Variants in AGBL4 observed in about 807,000 individuals in gnomAD.
The protein encoded by AGBL4 is cytosolic carboxypeptidase 6.
AGBL4 carries 58 observed loss-of-function variants against 66.4 expected under a neutral mutation model. The ratio of observed to expected loss-of-function variants is 0.87; its 90% CI spans 0.71 to 1.09. The LOEUF (loss-of-function observed/expected upper bound fraction) is 1.09. Ranked by LOEUF, AGBL4 falls within the 50% of genes least tolerant of loss-of-function variation. AGBL4 has a pLI of 0.00. For synonymous variants in AGBL4, 234 were observed against 222.9 expected, an observed-to-expected ratio of 1.05 and a Z score of -0.44; for missense variants, 579 against 631.0, an observed-to-expected ratio of 0.92 and a Z score of 0.88.
rs138019417 is a variant in AGBL4 at position 49,082,882 on chromosome 1, G to A, written c.378-37082C>T. Among the ~76,000 whole-genome samples the A allele has an allele frequency of 2.7e-3, 404 of 152,322 alleles. 4 individuals are homozygous for A. Among genetic ancestry groups the A allele is most frequent in the African/African-American group, 9.4e-3 (392 of 41,584 alleles). ...TAGTTACTTCCTAGATACAATGGAG[G>A]TACAGGCATTGGGTAAATATATCCA... On this transcript the variant is annotated intron_variant, in intron 4 of 13. Transcript: ENST00000371839.
At chr1:48,539,801 T>C in intron 11 of AGBL4, 63 bp from the exon 12 acceptor site, 1 of 1,108,934 alleles carries the variant, frequency 9.0e-7, no homozygotes. Context: ...AAAAGAGAAC[T>C]ACTAATAAAA....
chr1:49,679,679 T>C (rs891332218), intron 3 of AGBL4, among the ~76,000 whole-genome samples: 1 of 152,182 alleles, frequency 6.6e-6, no homozygotes, highest in Non-Finnish European at 1.5e-5. Flanking sequence ...TAACTGAACT[T>C]TTCTTCTTTT....
chr1:49,485,983 CT>C (rs887474080), intron 3 of AGBL4, among the ~76,000 whole-genome samples: 12 of 152,048 alleles, frequency 7.9e-5, no homozygotes, highest in Non-Finnish European at 1.3e-4. Flanking sequence ...AATTGGATTG[CT>C]TGTAACACAA....
chr1:49,060,482 C>T (rs1422316447), intron 4 of AGBL4, among the ~76,000 whole-genome samples: 5 of 152,066 alleles, frequency 3.3e-5, no homozygotes, highest in African/African-American at 9.7e-5. Context: ...AGATTTTAAG[C>T]AGGAGTATTC....
intron 2 of AGBL4, among the ~76,000 whole-genome samples, chr1:49,721,117 C>T (rs1368730829): frequency 6.6e-6 from 1 of 151,992 alleles, no homozygotes; most frequent in Non-Finnish European, 1.5e-5. Flanking sequence ...CCAATCAGTG[C>T]TCTGTAAAAT....
chr1:49,417,957 TTA>T (rs2148637523), intron 3 of AGBL4, among the ~76,000 whole-genome samples: 1 of 152,286 alleles, frequency 6.6e-6, no homozygotes, highest in African/African-American at 2.4e-5. Context: ...CTTTTCAGCT[TTA>T]GTTTGTTACA....
rs559805002 is a variant in AGBL4 at position 49,556,538 on chromosome 1, A to G, written c.282+140775T>C. Among the ~76,000 whole-genome samples, 5 of 150,942 alleles carry G rather than the reference A, an allele frequency of 3.3e-5. No homozygotes were observed. The South Asian group carries it at 1.0e-3, about 31-fold the overall frequency. On this transcript the variant is annotated intron_variant, in intron 3 of 13. Transcript: ENST00000371839. ...AAATTATATATATATATATATATAA[A>G]CAAATCTTTAGCTAGACACAAAGTG...
intron 4 of AGBL4, among the ~76,000 whole-genome samples, chr1:49,100,808 T>C (rs768623909): frequency 3.3e-5 from 5 of 152,202 alleles, no homozygotes; most frequent in Non-Finnish European, 7.3e-5. Flanking sequence ...ACTATTATTA[T>C]ATTACGTTCC....
chr1:49,383,929 T>C (rs7522182), intron 3 of AGBL4, among the ~76,000 whole-genome samples: 10,737 of 151,968 alleles, frequency 0.071, 1,189 homozygotes, highest in African/African-American at 0.23. Flanking sequence ...CCTGAATAGC[T>C]GGGACTACAG....
At chr1:48,552,895 A>G (rs1644270042) in intron 11 of AGBL4, among the ~76,000 whole-genome samples, 1 of 151,838 alleles carries the variant, frequency 6.6e-6, no homozygotes, top group Non-Finnish European at 1.5e-5. Context: ...TAAGACGGTT[A>G]TCTAATCACC....
chr1:49,874,808 T>TG (rs1361669310), intron 1 of AGBL4, among the ~76,000 whole-genome samples: 9 of 152,078 alleles, frequency 5.9e-5, no homozygotes, highest in African/African-American at 2.2e-4. Flanking sequence ...TTTCTATTAT[T>TG]TTTTTGTTTT....
chr1:49,062,825 C>T (rs1644426465), intron 4 of AGBL4, among the ~76,000 whole-genome samples: 1 of 152,152 alleles, frequency 6.6e-6, no homozygotes, highest in Non-Finnish European at 1.5e-5. Flanking sequence ...TGCAAGAATG[C>T]CTCTAAATCA....
chr1:49,102,311 G>C (rs545250501), intron 4 of AGBL4, among the ~76,000 whole-genome samples: 1 of 152,154 alleles, frequency 6.6e-6, no homozygotes, highest in South Asian at 2.1e-4. Flanking sequence ...AAAAATCCGA[G>C]AGATCAGGCA....
chr1:49,261,231 C>A (rs1653127321), intron 3 of AGBL4, among the ~76,000 whole-genome samples: 1 of 151,150 alleles, frequency 6.6e-6, no homozygotes, highest in Non-Finnish European at 1.5e-5. Flanking sequence ...TGGAAGCATT[C>A]CCTTTGAAAA....
intron 6 of AGBL4, among the ~76,000 whole-genome samples, chr1:48,843,562 T>C (rs1225327420): frequency 1.3e-5 from 2 of 152,160 alleles, no homozygotes; most frequent in Non-Finnish European, 2.9e-5. Flanking sequence ...TTATGACATA[T>C]ACAATTATAT....
chr1:49,352,566 G>C (rs916921951), intron 3 of AGBL4, among the ~76,000 whole-genome samples: 29 of 152,026 alleles, frequency 1.9e-4, no homozygotes, highest in Non-Finnish European at 3.5e-4. Context: ...AGCAACTAGA[G>C]TTCTGGAAGC....
At chr1:49,021,193 T>G (rs1663218530) in intron 5 of AGBL4, among the ~76,000 whole-genome samples, 1 of 152,204 alleles carries the variant, frequency 6.6e-6, no homozygotes, top group Non-Finnish European at 1.5e-5. Flanking sequence ...ATTCTAACAG[T>G]TGCTAGCTAT....
At chr1:49,048,505 C>G (rs975232237) in intron 4 of AGBL4, 4 of 152,036 alleles carry the variant, frequency 2.6e-5, no homozygotes, top group Non-Finnish European at 5.9e-5. Flanking sequence ...CTGTTCAGGG[C>G]TTAGATTTTC....
At chr1:49,826,070 T>C (rs940633657) in intron 2 of AGBL4, among the ~76,000 whole-genome samples, 1 of 152,134 alleles carries the variant, frequency 6.6e-6, no homozygotes. Flanking sequence ...GAAAACTAAT[T>C]TACATAATAT....
Sources: allele counts gnomAD v4.1 joint callset (sites outside exome capture counted in the v4.1 genomes callset), GRCh38; gene constraint gnomAD v4.1.1; transcripts MANE v1.5; gene names NCBI Gene and HGNC (gene_info 2026-07-23, HGNC 2026-07-21).